Variants in MEGF10 observed in about 807,000 individuals in gnomAD.
MEGF10 encodes multiple EGF like domains 10, also known as multiple epidermal growth factor-like domains protein 10.
In MEGF10, 86 loss-of-function variants were observed where a neutral mutation model predicts 147.5. The ratio of observed to expected loss-of-function variants is 0.58; its 90% CI spans 0.49 to 0.70. The LOEUF is 0.70. Among genes scored for constraint, MEGF10 ranks in the 30% least tolerant of loss-of-function variants. The pLI, the probability that MEGF10 is intolerant of heterozygous loss-of-function variation, is 0.00. For synonymous variants in MEGF10, 478 were observed against 525.5 expected (o/e 0.91, Z 1.24); for missense variants, 1,329 against 1,487.3 (o/e 0.89, Z 1.75).
chr5:127,235,261 G>T, the MEGF10 span, among the ~76,000 whole-genome samples: 1 of 152,040 alleles, frequency 6.6e-6, no homozygotes, highest in Non-Finnish European at 1.5e-5. Flanking sequence ...AAATACCCAA[G>T]GGATCTTAGT....
At chr5:127,295,124 A>G (rs1690315204) in intron 1 of MEGF10, among the ~76,000 whole-genome samples, 1 of 152,206 alleles carries the variant, frequency 6.6e-6, no homozygotes, top group African/African-American at 2.4e-5. Flanking sequence ...GACTGGTTCA[A>G]TACTGTCTTT....
chr5:127,330,270 C>T (rs1455600300), intron 1 of MEGF10, among the ~76,000 whole-genome samples: 1 of 152,200 alleles, frequency 6.6e-6, no homozygotes, highest in Non-Finnish European at 1.5e-5. Flanking sequence ...CCTCCCCTTG[C>T]AGCTAGAGTC....
chr5:127,345,475 G>T (rs1761851374), intron 4 of MEGF10, among the ~76,000 whole-genome samples: 1 of 152,132 alleles, frequency 6.6e-6, no homozygotes, highest in Non-Finnish European at 1.5e-5. Context: ...CAACAGTGTG[G>T]TTAGAAGCCT....
chr5:127,261,006 G>A, the MEGF10 span, among the ~76,000 whole-genome samples: 1 of 152,164 alleles, frequency 6.6e-6, no homozygotes, highest in Non-Finnish European at 1.5e-5. Flanking sequence ...TTCCTATGGG[G>A]CGCTCTGCTC....
intron 1 of MEGF10, among the ~76,000 whole-genome samples, chr5:127,329,186 T>C (rs1761156115): frequency 6.6e-6 from 1 of 152,222 alleles, no homozygotes; most frequent in Non-Finnish European, 1.5e-5. Context: ...TCATGATGCA[T>C]GTGAGAAATG....
At chr5:127,296,318 A>G (rs1759498010) in intron 1 of MEGF10, among the ~76,000 whole-genome samples, 1 of 152,184 alleles carries the variant, frequency 6.6e-6, no homozygotes, top group South Asian at 2.1e-4. Flanking sequence ...ATGGTTGTTC[A>G]TTTCTAGTGA....
Position 127,329,386 on chromosome 5 carries a change from A to G in MEGF10, c.-18-1905A>G, listed in dbSNP as rs568888901. On this transcript the variant is annotated intron_variant, in intron 1 of 24. Coordinates refer to ENST00000503335, the MANE Select transcript of MEGF10 (RefSeq NM_001256545.2). ...TATTCCAAGTCAAACATTTTCTTTTAGCCTTTGTTGAGTCAGCAATAGGTA... is the reference window on the plus strand; with the variant it reads ...TATTCCAAGTCAAACATTTTCTTTTGGCCTTTGTTGAGTCAGCAATAGGTA... Among the ~76,000 whole-genome samples the G allele has an allele frequency of 5.3e-5, 8 of 152,200 alleles. No individual in the cohort carries two copies. The South Asian group carries it at 1.7e-3, about 32-fold the overall frequency.
chr5:127,295,551 G>A (rs961914495), intron 1 of MEGF10, among the ~76,000 whole-genome samples: 19 of 152,284 alleles, frequency 1.2e-4, no homozygotes, highest in African/African-American at 4.3e-4. Flanking sequence ...ATTTGAATAA[G>A]TGAATGAATA....
At chr5:127,303,206 T>G (rs951597309) in intron 1 of MEGF10, among the ~76,000 whole-genome samples, 1 of 151,844 alleles carries the variant, frequency 6.6e-6, no homozygotes, top group Non-Finnish European at 1.5e-5. Context: ...CATGGTGATG[T>G]GCGCCTATAA....
the MEGF10 span, among the ~76,000 whole-genome samples, chr5:127,269,168 A>G: frequency 3.3e-5 from 5 of 152,238 alleles, no homozygotes; most frequent in Admixed American, 3.3e-4. Flanking sequence ...GAAAATTCTA[A>G]AAATCAGAGC....
upstream of MEGF10, among the ~76,000 whole-genome samples, chr5:127,289,352 G>A (rs1759136819): frequency 6.6e-6 from 1 of 152,302 alleles, no homozygotes; most frequent in Admixed American, 6.5e-5. Context: ...ACAGCCATAT[G>A]GATTAATCAC....
At chr5:127,426,817 A>G (rs981943925) in intron 13 of MEGF10, among the ~76,000 whole-genome samples, 1 of 152,228 alleles carries the variant, frequency 6.6e-6, no homozygotes, top group African/African-American at 2.4e-5. Context: ...TTTGCTGAGC[A>G]TTACAGCTAA....
At chr5:127,259,302 C>G in the MEGF10 span, among the ~76,000 whole-genome samples, 2 of 152,144 alleles carry the variant, frequency 1.3e-5, no homozygotes, top group South Asian at 2.1e-4. Flanking sequence ...CAGTCTGTAA[C>G]TTTTTATTTT....
chr5:127,263,212 C>A, the MEGF10 span, among the ~76,000 whole-genome samples: 1 of 151,130 alleles, frequency 6.6e-6, no homozygotes, highest in Non-Finnish European at 1.5e-5. Context: ...CAATAGAAAG[C>A]AGCCCTTTGC....
chr5:127,269,739 C>T, the MEGF10 span, among the ~76,000 whole-genome samples: 1,667 of 151,866 alleles, frequency 0.011, 17 homozygotes, highest in African/African-American at 0.031. Flanking sequence ...ATACAGAAAA[C>T]GCCACACTCC....
intron 6 of MEGF10, among the ~76,000 whole-genome samples, chr5:127,397,824 G>A (rs894262732): frequency 1.3e-5 from 2 of 152,206 alleles, no homozygotes; most frequent in South Asian, 2.1e-4. Flanking sequence ...AGGGCCATGC[G>A]ACACGTGGGT....
chr5:127,431,943 CA>C (rs1416120576), intron 13 of MEGF10, among the ~76,000 whole-genome samples: 8 of 151,240 alleles, frequency 5.3e-5, no homozygotes, highest in Non-Finnish European at 1.0e-4. Context: ...CTCAGATTTT[CA>C]AAAGAGATTT....
the MEGF10 span, among the ~76,000 whole-genome samples, chr5:127,264,916 G>C: frequency 1.3e-5 from 2 of 149,692 alleles, no homozygotes; most frequent in Non-Finnish European, 3.0e-5. Context: ...CCATTACCCA[G>C]GTATTTTTTT....
chr5:127,391,638 G>A (rs1019544909), intron 5 of MEGF10, among the ~76,000 whole-genome samples: 1 of 151,298 alleles, frequency 6.6e-6, no homozygotes, highest in Non-Finnish European at 1.5e-5. Flanking sequence ...ATCACTGTAA[G>A]TATCAGTCTC....
Sources: gnomAD v4.1 joint callset for allele counts (sites outside exome capture counted in the v4.1 genomes callset) on GRCh38, gnomAD v4.1.1 for gene constraint, MANE v1.5 for transcripts, NCBI Gene and HGNC (gene_info 2026-07-23, HGNC 2026-07-21) for gene names.